The following EIPR1 variants were observed in gnomAD, a reference collection of about 807,000 sequenced individuals.
The protein encoded by EIPR1 is EARP and GARP complex-interacting protein 1.
EIPR1 carries 25 observed loss-of-function variants against 48.1 expected under a neutral mutation model. The ratio of observed to expected loss-of-function variants is 0.52; its 90% confidence interval spans 0.38 to 0.73. The LOEUF (loss-of-function observed/expected upper bound fraction) is 0.73. EIPR1 is among the 30% of genes least tolerant of loss of function. The pLI is 0.00. For missense variants in EIPR1, 415 were observed against 506.2 expected, an observed-to-expected ratio of 0.82 and a Z score of 1.73; for synonymous variants, 204 against 201.9, an observed-to-expected ratio of 1.01 and a Z score of -0.09.
At chr2:3,258,016 C>T (rs909522142) in intron 3 of EIPR1, among the ~76,000 whole-genome samples, 1 of 152,210 alleles carries the variant, frequency 6.6e-6, no homozygotes. Context: ...GGCCTGGAGC[C>T]CTGGTGGGCA....
chr2:3,351,996 A>AG (rs1670591267), intron 2 of EIPR1, among the ~76,000 whole-genome samples: 1 of 148,516 alleles, frequency 6.7e-6, no homozygotes, highest in South Asian at 2.1e-4. Context: ...ATGCTACAGA[A>AG]GCTACCTGCC....
chr2:3,348,930 C>G (rs920567039), intron 2 of EIPR1, among the ~76,000 whole-genome samples: 1 of 152,226 alleles, frequency 6.6e-6, no homozygotes, highest in Non-Finnish European at 1.5e-5. Context: ...CCCGGCGTCT[C>G]TCCTGGTCTG....
At position 3,269,471 on chromosome 2, in the gene EIPR1, T is replaced by TCAC. The variant is rs1476787477; in HGVS notation, c.260-12017_260-12016insGTG. 1.8e-3 allele frequency among the ~76,000 whole-genome samples: 258 copies of TCAC among 143,524 alleles called. 24 individuals carry two copies. Among genetic ancestry groups the TCAC allele is most frequent in the African/African-American group, 6.2e-3 (232 of 37,650 alleles). 94.2% of individuals were successfully genotyped at this position (143,524 alleles called of 152,430 possible). ...ACTCAATCATCACCACACTCAGTCA[T>TCAC]CGCACTCAGTCATCGCACTCAATCA... On this transcript the variant is annotated intron_variant, in intron 3 of 8. Coordinates refer to ENST00000382125, the MANE Select transcript of EIPR1 (RefSeq NM_003310.5).
intron 3 of EIPR1, among the ~76,000 whole-genome samples, chr2:3,310,652 CAAAAAAAAAAA>C (rs751422009): frequency 7.2e-5 from 4 of 55,298 alleles, no homozygotes; most frequent in Admixed American, 2.0e-4. Context: ...GACTCCGTCT[CAAAAAAAAAAA>C]AAAAAAAAAA....
rs150680148 is a variant in EIPR1 at position 3,303,917 on chromosome 2, T to C, written c.259+34100A>G. On this transcript the variant is annotated intron_variant, in intron 3 of 8. Transcript: ENST00000382125. Reference sequence around the variant, plus strand: ...CAAAGGAAGACTGTTAAAAATCTTATACAGTCATATAATTTGGGTTGAATA... The same window carrying C: ...CAAAGGAAGACTGTTAAAAATCTTACACAGTCATATAATTTGGGTTGAATA... Among the ~76,000 whole-genome samples, 41 of 152,350 alleles carry C rather than the reference T, an allele frequency of 2.7e-4. No individual in the cohort carries two copies. The South Asian group carries it at 5.2e-3, about 19-fold the overall frequency.
chr2:3,214,783 C>T lies in EIPR1; in HGVS notation c.417-535G>A, dbSNP rs114014430. On this transcript the variant is annotated intron_variant, in intron 4 of 8. Transcript: ENST00000382125. ...TATGGGACTCGAAATGCAATTTCTA[C>T]GAATGCATAGTGCTTCTATGCCATT... is the stretch of plus-strand genomic sequence containing the variant. Among the ~76,000 whole-genome samples the T allele has an allele frequency of 7.5e-3, 1,135 of 152,226 alleles. 15 individuals are homozygous for T. Among genetic ancestry groups the T allele is most frequent in the African/African-American group, 0.026 (1,099 of 41,524 alleles).
At chr2:3,291,027 A>C (rs1321344547) in intron 3 of EIPR1, among the ~76,000 whole-genome samples, 2 of 152,134 alleles carry the variant, frequency 1.3e-5, no homozygotes, top group African/African-American at 4.8e-5. Flanking sequence ...CTGGGTCTAA[A>C]ATTTGGCTTC....
intron 1 of EIPR1, among the ~76,000 whole-genome samples, chr2:3,364,027 G>A (rs1399733280): frequency 6.6e-6 from 1 of 152,150 alleles, no homozygotes; most frequent in African/African-American, 2.4e-5. Flanking sequence ...TGCTGGCAAG[G>A]ATGTAGAGAG....
chr2:3,317,532 A>G (rs1349135704), intron 3 of EIPR1, among the ~76,000 whole-genome samples: 1 of 152,240 alleles, frequency 6.6e-6, no homozygotes, highest in Non-Finnish European at 1.5e-5. Context: ...GCTGACAGGC[A>G]GGTGACCTCG....
intron 3 of EIPR1, among the ~76,000 whole-genome samples, chr2:3,333,890 G>A (rs150083979): frequency 4.6e-5 from 7 of 152,298 alleles, no homozygotes; most frequent in East Asian, 3.9e-4. Flanking sequence ...CCCTGTGATC[G>A]GCCTGCCCTC....
intron 3 of EIPR1, among the ~76,000 whole-genome samples, chr2:3,294,986 CACACACA>C (rs1558279884): frequency 8.4e-5 from 6 of 71,064 alleles, no homozygotes; most frequent in Non-Finnish European, 1.4e-4. Context: ...ATCCTCTCTA[CACACACA>C]CACACACACC....
At chr2:3,245,339 A>G (rs1422562522) in intron 4 of EIPR1, among the ~76,000 whole-genome samples, 1 of 152,118 alleles carries the variant, frequency 6.6e-6, no homozygotes, top group Non-Finnish European at 1.5e-5. Context: ...CAGCCTCCTG[A>G]GTACATGGGA....
chr2:3,258,690 T>C (rs750021262), intron 3 of EIPR1, among the ~76,000 whole-genome samples: 2 of 152,198 alleles, frequency 1.3e-5, no homozygotes, highest in South Asian at 2.1e-4. Flanking sequence ...TTGTGAATAT[T>C]ATTAATACCA....
rs967948028 is a variant in EIPR1 at position 3,189,643 on chromosome 2, G to A, written c.990-135C>T. 2.4e-6 allele frequency: 2 copies of A among 845,392 alleles called. No individual in the cohort carries two copies. Among genetic ancestry groups the A allele is most frequent in the Non-Finnish European group, 3.4e-6 (2 of 589,824 alleles). The allele number at this position is 845,392 out of a possible 1,614,324, so 52.4% of individuals were successfully genotyped here. On this transcript the variant is annotated intron_variant, in intron 8 of 8. Transcript: ENST00000382125. This position sits in a 1 kb window ranked among gnomAD's most constrained non-coding sequence, Gnocchi z 4.6. ...CCTCAGCTTTCTCCGCTGTGGGATG[G>A]GAAGAATTAGAGGAGCCCACACCGA... is the stretch of plus-strand genomic sequence containing the variant.
chr2:3,365,120 A>T (rs1412273299), intron 1 of EIPR1, among the ~76,000 whole-genome samples: 1 of 149,238 alleles, frequency 6.7e-6, no homozygotes, highest in African/African-American at 2.5e-5. Context: ...AATATGCATC[A>T]ATTTAAAAAA....
chr2:3,283,327 CT>C (rs1024430295), intron 3 of EIPR1, among the ~76,000 whole-genome samples: 19 of 152,336 alleles, frequency 1.2e-4, no homozygotes, highest in Middle Eastern at 3.4e-3. Flanking sequence ...CCAAGTAACA[CT>C]GCGCCAACAA....
At chr2:3,244,840 G>T in intron 4 of EIPR1, among the ~76,000 whole-genome samples, 1 of 152,122 alleles carries the variant, frequency 6.6e-6, no homozygotes, top group East Asian at 1.9e-4. Context: ...TGGACACACC[G>T]ATCTGCCTCT....
intron 5 of EIPR1, among the ~76,000 whole-genome samples, chr2:3,203,536 G>A (rs1460895492): frequency 4.6e-5 from 7 of 152,236 alleles, no homozygotes; most frequent in Admixed American, 2.0e-4. Flanking sequence ...CAGTCGGGGC[G>A]CCTCCTCCAG....
At chr2:3,368,994 A>T (rs1341720249) in intron 1 of EIPR1, among the ~76,000 whole-genome samples, 2 of 152,116 alleles carry the variant, frequency 1.3e-5, no homozygotes, top group Non-Finnish European at 2.9e-5. Context: ...TTTCATGTAA[A>T]GTGTTCTCCA....
Sources: gnomAD v4.1 joint callset for allele counts (sites outside exome capture counted in the v4.1 genomes callset) on GRCh38, gnomAD v4.1.1 for gene constraint, Gnocchi (gnomAD v3.1) non-coding constraint, MANE v1.5 for transcripts, NCBI Gene and HGNC (gene_info 2026-07-23, HGNC 2026-07-21) for gene names.